SHC3: variants seen among roughly 807,000 people sequenced by gnomAD.
SHC3 encodes the protein SHC-transforming protein 3.
SHC3 carries 15 observed loss-of-function variants against 60.4 expected under a neutral mutation model. That is an observed-to-expected ratio of 0.25 (90% CI 0.17 to 0.38). The LOEUF (loss-of-function observed/expected upper bound fraction) is 0.38. SHC3 is among the 10% of genes least tolerant of loss of function. The pLI, the probability that SHC3 is intolerant of heterozygous loss-of-function variation, is 1.00. For synonymous variants in SHC3, 294 were observed against 325.9 expected, an observed-to-expected ratio of 0.90 and a Z score of 1.05; for missense variants, 677 against 786.1, an observed-to-expected ratio of 0.86 and a Z score of 1.66.
Position 89,178,262 on chromosome 9 carries a change from G to C in SHC3, c.199C>G (p.Leu67Val). Reference sequence around the variant, plus strand: ...TTCAGGTGGGACACCTTGTGGAGCAGGTGGCCCAGGCTGCCGGGCCCATCG... The same window carrying C: ...TTCAGGTGGGACACCTTGTGGAGCACGTGGCCCAGGCTGCCGGGCCCATCG... ...PDDGPGSLGH[L>V]LHKVSHLKLS... Residue 67 changes from leucine (L) to valine (V), a missense_variant, in exon 1 of 12, where the codon CTG becomes GTG. Transcript: ENST00000375835. The surrounding 1 kb of genome is among the most constrained non-coding windows in gnomAD (Gnocchi z 6.9). 6.5e-7 allele frequency: 1 copy of C among 1,537,212 alleles called. No individual in the cohort carries two copies. The highest frequency in any genetic ancestry group is 8.7e-7 in the Non-Finnish European group (1 of 1,143,918).
At position 89,110,415 on chromosome 9, in the gene SHC3, G is replaced by T. The variant is rs1825929831; in HGVS notation, c.545+2141C>A. On this transcript the variant is annotated intron_variant, in intron 2 of 11. Transcript: ENST00000375835. ...ATTAGATTTCCCTATAAACTTCCAA[G>T]AATTTCTTTAGTATATAAAGTAAAC... 9 of 985,026 alleles carry T rather than the reference G, an allele frequency of 9.1e-6. No individual in the cohort carries two copies. In the Admixed American group the frequency reaches 5.5e-4, roughly 61 times the overall value. The allele number at this position is 985,026 out of a possible 1,614,324, so 61.0% of individuals were successfully genotyped here. A position where few individuals can be genotyped will look rare whatever the true frequency, so the allele number is the denominator to read the frequency against.
At chr9:89,060,120 A>G (rs1171492841) in intron 6 of SHC3, among the ~76,000 whole-genome samples, 1 of 120,582 alleles carries the variant, frequency 8.3e-6, no homozygotes, top group Non-Finnish European at 1.7e-5. Context: ...GTGGAGGACA[A>G]TGGTGTAGGA....
At chr9:89,018,346 A>G (rs1826131647) in intron 11 of SHC3, among the ~76,000 whole-genome samples, 1 of 152,188 alleles carries the variant, frequency 6.6e-6, no homozygotes, top group African/African-American at 2.4e-5. Flanking sequence ...TTGCAGGGAC[A>G]TGGATGAAGC....
chr9:89,051,985 AG>A lies in SHC3; in HGVS notation c.962+51del, dbSNP rs1824868792. 5 of 1,602,256 alleles carry A rather than the reference AG, an allele frequency of 3.1e-6. No individual in the cohort carries two copies. The South Asian group carries it at 4.4e-5, about 14-fold the overall frequency. ...CTCAGGGATGTGGTTTTAAGAGGAA[AG>A]GTCATAAAACCCACATAGGCTATTG... On this transcript the variant is annotated intron_variant, in intron 7 of 11. Coordinates refer to ENST00000375835, the MANE Select transcript of SHC3 (RefSeq NM_016848.6).
chr9:89,018,502 G>A (rs1237701588), intron 11 of SHC3, among the ~76,000 whole-genome samples: 1 of 152,090 alleles, frequency 6.6e-6, no homozygotes, highest in Non-Finnish European at 1.5e-5. Flanking sequence ...GGGGTGGGGG[G>A]CTAGGGATAG....
chr9:89,173,240 C>T (rs1274316020), intron 1 of SHC3, among the ~76,000 whole-genome samples: 1 of 152,222 alleles, frequency 6.6e-6, no homozygotes, highest in African/African-American at 2.4e-5. Context: ...CAGGTGTCTG[C>T]TCTAATGTCC....
At position 89,013,488 on chromosome 9, in the gene SHC3, T is replaced by A. The variant is rs984487853; in HGVS notation, c.1744A>T (p.Ser582Cys). The part of the protein sequence containing the change: ...ESSLPIVSAG[S>C]ELCLQQPVER... ...ACTGGCTGCTGGAGACACAGCTCACTCCCTGCAGAGACAATGGGCAGGCTG... is the reference window on the plus strand; with the variant it reads ...ACTGGCTGCTGGAGACACAGCTCACACCCTGCAGAGACAATGGGCAGGCTG... The change falls in exon 12 of 12, where the codon AGT becomes TGT. Residue 582 changes from serine (S) to cysteine (C), a missense_variant. Ser to Cys is a moderately radical substitution (Grantham distance 112). Transcript: ENST00000375835. The A allele has an allele frequency of 8.7e-6, 14 of 1,613,716 alleles. No individual in the cohort carries two copies. The highest frequency in any genetic ancestry group is 1.0e-5 in the Non-Finnish European group (12 of 1,179,900).
At chr9:89,154,095 T>C (rs138146899) in intron 1 of SHC3, among the ~76,000 whole-genome samples, 91 of 152,244 alleles carry the variant, frequency 6.0e-4, no homozygotes, top group African/African-American at 2.0e-3. Flanking sequence ...CCATGGGCTA[T>C]ATGTGGCCCA....
chr9:89,164,094 T>C (rs1047723551), intron 1 of SHC3, among the ~76,000 whole-genome samples: 4 of 152,154 alleles, frequency 2.6e-5, no homozygotes, highest in African/African-American at 9.7e-5. Flanking sequence ...ACTCAGTCCA[T>C]AACATATCAC....
chr9:89,116,971 C>T (rs1414062464), intron 1 of SHC3, among the ~76,000 whole-genome samples: 7 of 152,174 alleles, frequency 4.6e-5, no homozygotes, highest in African/African-American at 7.2e-5. Context: ...CACAGATTTT[C>T]GGGATGATGC....
intron 2 of SHC3, among the ~76,000 whole-genome samples, chr9:89,082,894 A>G (rs1363105655): frequency 6.6e-6 from 1 of 152,206 alleles, no homozygotes; most frequent in Admixed American, 6.5e-5. Context: ...GAGTACCAGA[A>G]TTTTATAGAT....
At chr9:89,057,408 C>T (rs1253801629) in intron 6 of SHC3, among the ~76,000 whole-genome samples, 3 of 150,976 alleles carry the variant, frequency 2.0e-5, no homozygotes, top group African/African-American at 7.3e-5. Flanking sequence ...TGTCCTAGCC[C>T]CAGATAGGGC....
intron 2 of SHC3, among the ~76,000 whole-genome samples, chr9:89,098,332 A>C (rs1035428989): frequency 6.6e-6 from 1 of 152,232 alleles, no homozygotes; most frequent in Non-Finnish European, 1.5e-5. Context: ...ACATTACGGG[A>C]CAATTGATGA....
intron 1 of SHC3, among the ~76,000 whole-genome samples, chr9:89,130,974 T>C (rs970355417): frequency 1.3e-5 from 2 of 152,018 alleles, no homozygotes; most frequent in African/African-American, 4.8e-5. Context: ...CAGGAGCTGG[T>C]TTTTTGAAAA....
At chr9:89,130,284 C>T (rs1826225044) in intron 1 of SHC3, among the ~76,000 whole-genome samples, 4 of 152,178 alleles carry the variant, frequency 2.6e-5, no homozygotes, top group Admixed American at 1.3e-4. Context: ...TAGAGACCTA[C>T]AAAGAGACTA....
At chr9:89,108,087 C>T (rs777146328) in intron 2 of SHC3, among the ~76,000 whole-genome samples, 8 of 152,176 alleles carry the variant, frequency 5.3e-5, no homozygotes, top group Non-Finnish European at 1.2e-4. Context: ...GTCACACATG[C>T]AGTGCAGGTT....
At chr9:89,081,935 G>A (rs920008068) in intron 2 of SHC3, among the ~76,000 whole-genome samples, 2 of 152,080 alleles carry the variant, frequency 1.3e-5, no homozygotes, top group Non-Finnish European at 1.5e-5. Context: ...TGCAGGGGGT[G>A]GATACAGAGA....
At chr9:89,104,482 T>C (rs1044231626) in intron 2 of SHC3, among the ~76,000 whole-genome samples, 1 of 152,250 alleles carries the variant, frequency 6.6e-6, no homozygotes, top group Non-Finnish European at 1.5e-5. Flanking sequence ...GATTTAAGTA[T>C]GTGTAGCAAA....
intron 3 of SHC3, among the ~76,000 whole-genome samples, chr9:89,077,359 C>T (rs972419636): frequency 1.3e-5 from 2 of 152,122 alleles, no homozygotes; most frequent in African/African-American, 2.4e-5. Context: ...TCTGTTTTCA[C>T]GGGATATAAT....
Sources: gnomAD v4.1 joint callset for allele counts (sites outside exome capture counted in the v4.1 genomes callset) on GRCh38, gnomAD v4.1.1 for gene constraint, Gnocchi (gnomAD v3.1) non-coding constraint, MANE v1.5 for transcripts, NCBI Gene and HGNC (gene_info 2026-07-23, HGNC 2026-07-21) for gene names.